Variants in NHSL2 observed in about 807,000 individuals in gnomAD.
NHSL2 encodes NHS like 2.
Under a neutral mutation model 53.4 loss-of-function variants are expected in NHSL2, and 27 were observed. The observed-to-expected ratio is 0.51, with a 90% CI of 0.37 to 0.70. The LOEUF is 0.70. Ranked by LOEUF, NHSL2 falls within the 30% of genes least tolerant of loss-of-function variation. The pLI, the probability that NHSL2 is intolerant of heterozygous loss-of-function variation, is 0.00. For missense variants in NHSL2, 892 were observed against 980.1 expected (o/e 0.91, Z 1.20); for synonymous variants, 408 against 404.1 (o/e 1.01, Z -0.12).
chrX:72,025,601 C>T (rs998940918), intron 1 of NHSL2, among the ~76,000 whole-genome samples: 50 of 112,704 alleles, frequency 4.4e-4, no homozygotes, highest in African/African-American at 1.5e-3. Context: ...CTCTCTGTCT[C>T]CTCTGGAAGG....
intron 1 of NHSL2, among the ~76,000 whole-genome samples, chrX:71,994,953 T>C (rs1039119235): frequency 9.0e-6 from 1 of 111,490 alleles, no homozygotes; most frequent in African/African-American, 3.3e-5. Flanking sequence ...AGGCATCCAC[T>C]TGGGCATCTC....
chrX:71,988,511 AG>A (rs2042012817), intron 1 of NHSL2, among the ~76,000 whole-genome samples: 1 of 111,367 alleles, frequency 9.0e-6, no homozygotes, highest in Non-Finnish European at 1.9e-5. Context: ...TTCTAACCCA[AG>A]GTCAGTCAAG....
At chrX:72,119,181 T>G (rs1021966221) in intron 1 of NHSL2, among the ~76,000 whole-genome samples, 2 of 111,678 alleles carry the variant, frequency 1.8e-5, no homozygotes, top group African/African-American at 3.3e-5. Context: ...TACTATAGCA[T>G]TGTATAAAGT....
intron 1 of NHSL2, among the ~76,000 whole-genome samples, chrX:72,103,580 G>A (rs887329124): frequency 1.8e-5 from 2 of 111,651 alleles, no homozygotes; most frequent in African/African-American, 6.5e-5. Flanking sequence ...TCCAAGCAGA[G>A]TAGTGGCCTC....
intron 1 of NHSL2, among the ~76,000 whole-genome samples, chrX:71,960,672 G>A (rs1050686834): frequency 3.6e-5 from 4 of 112,341 alleles, no homozygotes; most frequent in African/African-American, 1.3e-4. Context: ...CACTCTTGTA[G>A]AAAATCAATT....
chrX:71,967,958 C>T (rs148568768), intron 1 of NHSL2, among the ~76,000 whole-genome samples: 34 of 109,020 alleles, frequency 3.1e-4, no homozygotes, highest in African/African-American at 8.3e-4. Context: ...GGATGGGGAG[C>T]GACTTCTAAG....
At chrX:72,064,336 A>G (rs1471718356) in intron 1 of NHSL2, among the ~76,000 whole-genome samples, 1 of 112,152 alleles carries the variant, frequency 8.9e-6, no homozygotes, top group Non-Finnish European at 1.9e-5. Flanking sequence ...GAGCATGTGC[A>G]GGTTATGGCA....
intron 1 of NHSL2, among the ~76,000 whole-genome samples, chrX:71,977,814 TAGG>T (rs2041955489): frequency 2.7e-5 from 3 of 111,967 alleles, no homozygotes; most frequent in African/African-American, 9.7e-5. Flanking sequence ...GACACCTCAT[TAGG>T]AGGATGGTGG....
At chrX:71,996,645 AGAG>A (rs1470218049) in intron 1 of NHSL2, among the ~76,000 whole-genome samples, 2 of 112,399 alleles carry the variant, frequency 1.8e-5, no homozygotes, top group Non-Finnish European at 3.8e-5. Flanking sequence ...ACTCATTTTC[AGAG>A]GAGAACATTG....
Position 72,138,728 on chromosome X carries a change from G to A in NHSL2, c.1180G>A (p.Gly394Arg). 8.3e-7 allele frequency: 1 copy of A among 1,208,901 alleles called. No homozygotes were observed. Among genetic ancestry groups the A allele is most frequent in the Non-Finnish European group, 1.1e-6 (1 of 893,821 alleles). The change falls in exon 6 of 8, where the codon GGA becomes AGA. Residue 394 changes from glycine to arginine, a missense_variant. Physicochemically the swap from Gly to Arg is moderately radical, Grantham distance 125. Transcript: ENST00000633930. Reference sequence around the variant, plus strand: ...ATCAACCTTCTCCACTTCCTGGAAGGGAGATGCTTTTACCTACATGACTCC... The same window carrying A: ...ATCAACCTTCTCCACTTCCTGGAAGAGAGATGCTTTTACCTACATGACTCC... Reference protein sequence around the residue: ...TESTFSTSWKGDAFTYMTPSA... With the variant: ...TESTFSTSWKRDAFTYMTPSA...
chrX:71,955,668 C>T (rs1284116705), intron 1 of NHSL2, among the ~76,000 whole-genome samples: 2 of 110,559 alleles, frequency 1.8e-5, no homozygotes, highest in African/African-American at 6.6e-5. Flanking sequence ...GACCTGGAAG[C>T]TCATCTGAGT....
At chrX:71,918,206 C>T (rs1285491985) in intron 1 of NHSL2, among the ~76,000 whole-genome samples, 1 of 111,394 alleles carries the variant, frequency 9.0e-6, no homozygotes, top group East Asian at 2.8e-4. Context: ...TGTGTGTATC[C>T]AGTTGCACTC....
chrX:72,101,196 G>T (rs192457621), intron 1 of NHSL2, among the ~76,000 whole-genome samples: 2 of 110,929 alleles, frequency 1.8e-5, no homozygotes, highest in African/African-American at 6.6e-5. Flanking sequence ...TGTGCTCCTG[G>T]GCGGCAGTGG....
chrX:71,969,660 T>G, intron 1 of NHSL2, among the ~76,000 whole-genome samples: 1 of 112,931 alleles, frequency 8.9e-6, no homozygotes, highest in East Asian at 2.7e-4. Flanking sequence ...ATTTGTTTAT[T>G]AATTCTCATA....
In NHSL2 at chrX:72,004,511, G is replaced by C. The variant is rs181626728; in HGVS notation, c.280+93144G>C. 2.7e-3 allele frequency among the ~76,000 whole-genome samples: 308 copies of C among 112,020 alleles called. 2 individuals are homozygous for C. The highest frequency in any genetic ancestry group is 0.027 in the Admixed American group (292 of 10,658). ...GATGGCCACGGCTTGCTCCAGGAGT[G>C]GGGAGGGGAGTAAGGAAAAGCAGTG... On this transcript the variant is annotated intron_variant, in intron 1 of 7. Coordinates refer to ENST00000633930, the MANE Select transcript of NHSL2 (RefSeq NM_001013627.3).
At chrX:72,106,905 T>C (rs1312162169) in intron 1 of NHSL2, among the ~76,000 whole-genome samples, 3 of 99,445 alleles carry the variant, frequency 3.0e-5, no homozygotes, top group African/African-American at 7.7e-5. Context: ...TAGGTGGGAG[T>C]TGAACAACGA....
chrX:72,012,874 C>A (rs987078580), intron 1 of NHSL2, among the ~76,000 whole-genome samples: 1 of 112,228 alleles, frequency 8.9e-6, no homozygotes, highest in African/African-American at 3.2e-5. Flanking sequence ...TCTAGGTTCT[C>A]TACTCTGTTT....
At chrX:72,129,890 A>G (rs775013210) in intron 1 of NHSL2, 2 of 1,209,446 alleles carry the variant, frequency 1.7e-6, no homozygotes, top group Non-Finnish European at 2.2e-6. Context: ...GTGAGGCGGA[A>G]AAGCACAGGG....
In NHSL2 at chrX:72,065,541, G is replaced by A. The variant is rs192129472; in HGVS notation, c.281-66538G>A. The stretch of plus-strand genomic sequence containing the variant: ...TGGGATTTGGGCTGAAGCTTAAGGA[G>A]CAGCCTGTAGGGTTTGGGAACAGCA... On this transcript the variant is annotated intron_variant, in intron 1 of 7. Transcript: ENST00000633930. 2.7e-3 allele frequency among the ~76,000 whole-genome samples: 302 copies of A among 111,712 alleles called. 1 individual carries two copies. Among genetic ancestry groups the A allele is most frequent in the Middle Eastern group, 4.6e-3 (1 of 219 alleles).
Sources: gnomAD v4.1 joint callset for allele counts (sites outside exome capture counted in the v4.1 genomes callset) on GRCh38, gnomAD v4.1.1 for gene constraint, MANE v1.5 for transcripts, NCBI Gene and HGNC (gene_info 2026-07-23, HGNC 2026-07-21) for gene names.